CAPN7: variants seen among roughly 807,000 people sequenced by gnomAD.
CAPN7 encodes calpain-7.
Under a neutral mutation model 115.2 loss-of-function variants are expected in CAPN7, and 72 were observed. The observed-to-expected ratio is 0.63, with a 90% CI of 0.52 to 0.76. CAPN7 has a LOEUF of 0.76. CAPN7 is among the 30% of genes least tolerant of loss of function. The probability of loss-of-function intolerance (pLI) is 0.00; values close to 1 mark genes in which losing one functional copy is unlikely to be tolerated. For synonymous variants in CAPN7, 344 were observed against 322.3 expected (o/e 1.07, Z -0.72); for missense variants, 905 against 971.5 (o/e 0.93, Z 0.91).
intron 16 of CAPN7, 149 bp downstream of exon 16, chr3:15,242,402 T>G: frequency 1.8e-6 from 1 of 560,458 alleles, no homozygotes; most frequent in Non-Finnish European, 3.1e-6. Context: ...CAGATGGGTA[T>G]TCATGCTGTT....
At chr3:15,231,985 G>A (rs1185053071) in intron 9 of CAPN7, 1 of 203,816 alleles carries the variant, frequency 4.9e-6, no homozygotes, top group African/African-American at 2.4e-5. Context: ...TAAAAGTGAG[G>A]CCCTTTTGTA....
intron 8 of CAPN7, among the ~76,000 whole-genome samples, chr3:15,229,400 A>C (rs1694530432): frequency 6.6e-6 from 1 of 152,152 alleles, no homozygotes; most frequent in African/African-American, 2.4e-5. Context: ...GATTAGTCTG[A>C]ATTAAGAGGA....
intron 2 of CAPN7, 69 bp from the exon 3 acceptor site, chr3:15,217,356 G>T: frequency 7.8e-7 from 1 of 1,287,348 alleles, no homozygotes; most frequent in South Asian, 1.8e-5. Context: ...GTCTTAAATA[G>T]TGAAAATAGT....
At chr3:15,207,511 T>C (rs2044697304) in intron 1 of CAPN7, among the ~76,000 whole-genome samples, 2 of 152,244 alleles carry the variant, frequency 1.3e-5, no homozygotes. Context: ...TAGCTTACGG[T>C]AACCCTTTTA....
chr3:15,227,806 A>G, intron 6 of CAPN7, 33 bp from the exon 7 acceptor site: 2 of 1,349,354 alleles, frequency 1.5e-6, no homozygotes, highest in Admixed American at 3.2e-5. Context: ...TTTAAGATTA[A>G]TTTTTTTATT....
chr3:15,232,267 A>G, intron 9 of CAPN7: 1 of 362,834 alleles, frequency 2.8e-6, no homozygotes, highest in Admixed American at 4.9e-5. Context: ...AATTTCAGTG[A>G]TAGTTACATG....
At chr3:15,215,516 G>A (rs1237452387) in intron 2 of CAPN7, among the ~76,000 whole-genome samples, 1 of 152,074 alleles carries the variant, frequency 6.6e-6, no homozygotes, top group African/African-American at 2.4e-5. Context: ...CCTCCCCCTA[G>A]CCACCACTAA....
chr3:15,251,329 T>A lies in CAPN7; in HGVS notation c.*69T>A. The A allele has an allele frequency of 8.0e-7, 1 of 1,242,362 alleles. No homozygotes were observed. Among genetic ancestry groups the A allele is most frequent in the East Asian group, 2.3e-5 (1 of 42,796 alleles). 77.0% of individuals were successfully genotyped at this position (1,242,362 alleles called of 1,614,324 possible). A position where few individuals can be genotyped will look rare whatever the true frequency, so the allele number is the denominator to read the frequency against. On this transcript the variant is annotated 3_prime_UTR_variant, in exon 21 of 21. Transcript: ENST00000253693. ...AGTTCTTCAAATAAGGACGCAAATC[T>A]TCAGGACAGTAAGCAGAACAATCAG...
Position 15,244,614 on chromosome 3 carries a change from A to G in CAPN7, c.1865-912A>G, listed in dbSNP as rs1198927327. ...GTTTTTCTGATAGGTCCCATTATAA[A>G]TATTCAGCGTTCCTAAATAAGCTAA... is the stretch of plus-strand genomic sequence containing the variant. On this transcript the variant is annotated intron_variant, in intron 16 of 20. Transcript: ENST00000253693. 2.0e-5 allele frequency among the ~76,000 whole-genome samples: 3 copies of G among 152,340 alleles called. No homozygotes were observed. The East Asian group carries it at 5.8e-4, about 29-fold the overall frequency.
intron 5 of CAPN7, 100 bp from the exon 6 acceptor site, chr3:15,223,375 A>G (rs746839406): frequency 1.4e-6 from 1 of 740,606 alleles, no homozygotes; most frequent in South Asian, 1.5e-5. Context: ...TTTAATTTTA[A>G]TACAGTATCA....
chr3:15,217,173 A>G (rs1199901386), intron 2 of CAPN7, among the ~76,000 whole-genome samples: 6 of 151,468 alleles, frequency 4.0e-5, no homozygotes, highest in African/African-American at 1.5e-4. Flanking sequence ...CTTGAGCCCG[A>G]GGAGGTAGAG....
chr3:15,233,525 G>A (rs1694813561), intron 10 of CAPN7, among the ~76,000 whole-genome samples: 1 of 152,216 alleles, frequency 6.6e-6, no homozygotes, highest in African/African-American at 2.4e-5. Flanking sequence ...GAATGGGAAT[G>A]TATGTAAAAC....
At position 15,206,536 on chromosome 3, in the gene CAPN7, C is replaced by G; in HGVS notation, c.41C>G (p.Ala14Gly). Residue 14 changes from alanine (A) to glycine (G), a missense_variant, in exon 1 of 21, where the codon GCC (alanine) becomes GGC (glycine). Ala to Gly is a moderately conservative substitution (Grantham distance 60). Coordinates refer to ENST00000253693, the MANE Select transcript of CAPN7 (RefSeq NM_014296.3). ...CTGGAGCGGGACGCTGTGCAGTTCGCCCGTCTGGCGGTTCAGCGCGACCAC... is the reference window on the plus strand; with the variant it reads ...CTGGAGCGGGACGCTGTGCAGTTCGGCCGTCTGGCGGTTCAGCGCGACCAC... Reference protein sequence around the residue: ...TALERDAVQFARLAVQRDHEG... With the variant: ...TALERDAVQFGRLAVQRDHEG... 6.4e-7 allele frequency: 1 copy of G among 1,556,440 alleles called. No individual in the cohort carries two copies. Among genetic ancestry groups the G allele is most frequent in the Non-Finnish European group, 8.7e-7 (1 of 1,150,548 alleles).
chr3:15,206,657 C>A, intron 1 of CAPN7, 60 bp downstream of exon 1: 1 of 1,258,766 alleles, frequency 7.9e-7, no homozygotes, highest in Non-Finnish European at 1.1e-6. Context: ...CCCGGGCCTG[C>A]GGCCGAGGGG....
intron 2 of CAPN7, among the ~76,000 whole-genome samples, chr3:15,215,336 T>G (rs1017238306): frequency 5.9e-5 from 9 of 152,214 alleles, no homozygotes; most frequent in Admixed American, 5.9e-4. Context: ...AATAGCAAGT[T>G]TAGCGAGATA....
intron 1 of CAPN7, among the ~76,000 whole-genome samples, chr3:15,209,004 T>G (rs561884327): frequency 9.0e-4 from 137 of 152,230 alleles, no homozygotes; most frequent in Non-Finnish European, 1.6e-3. Context: ...GCTTTCATTT[T>G]ATAATCTTTT....
intron 2 of CAPN7, among the ~76,000 whole-genome samples, chr3:15,214,675 A>G (rs1475165863): frequency 1.3e-5 from 2 of 152,182 alleles, no homozygotes; most frequent in African/African-American, 4.8e-5. Flanking sequence ...CCGTGATTAC[A>G]CCACTGCCCT....
chr3:15,220,746 A>G (rs775157893), intron 4 of CAPN7, 35 bp from the exon 5 acceptor site: 1 of 1,595,732 alleles, frequency 6.3e-7, no homozygotes, highest in Non-Finnish European at 8.6e-7. Context: ...GTGAGTAGAA[A>G]AACTAGAACA....
intron 12 of CAPN7, among the ~76,000 whole-genome samples, chr3:15,237,845 C>T (rs1695085723): frequency 6.6e-6 from 1 of 151,710 alleles, no homozygotes; most frequent in East Asian, 1.9e-4. Context: ...GGCATGGTGG[C>T]ACGTGCCTGT....
Sources: allele counts gnomAD v4.1 joint callset (sites outside exome capture counted in the v4.1 genomes callset), GRCh38; gene constraint gnomAD v4.1.1; transcripts MANE v1.5; gene names NCBI Gene and HGNC (gene_info 2026-07-23, HGNC 2026-07-21).